The following HOMER1 variants were observed in gnomAD, a reference collection of about 807,000 sequenced individuals.
The protein encoded by HOMER1 is homer scaffold protein 1.
HOMER1 carries 3 observed loss-of-function variants against 48.9 expected under a neutral mutation model. The ratio of observed to expected loss-of-function variants is 0.06; its 90% CI spans 0.03 to 0.16. HOMER1 has a LOEUF of 0.16. Among genes scored for constraint, HOMER1 ranks in the 10% least tolerant of loss-of-function variants. The pLI is 1.00. For synonymous variants in HOMER1, 134 were observed against 146.4 expected, an observed-to-expected ratio of 0.92 and a Z score of 0.61; for missense variants, 247 against 411.4, an observed-to-expected ratio of 0.60 and a Z score of 3.46.
At chr5:79,479,843 AAT>A (rs1751897145) in intron 1 of HOMER1, among the ~76,000 whole-genome samples, 1 of 152,348 alleles carries the variant, frequency 6.6e-6, no homozygotes, top group South Asian at 2.1e-4. Flanking sequence ...AAGAATGTTT[AAT>A]AGTGATAGAA....
At chr5:79,401,858 T>G in intron 6 of HOMER1, 41 bp downstream of exon 6, 3 of 1,593,520 alleles carry the variant, frequency 1.9e-6, no homozygotes, top group African/African-American at 1.3e-5. Flanking sequence ...CAAGAAAACC[T>G]GTTAGCCCTA....
At chr5:79,381,628 T>C (rs1748979386) in intron 8 of HOMER1, among the ~76,000 whole-genome samples, 1 of 152,198 alleles carries the variant, frequency 6.6e-6, no homozygotes, top group African/African-American at 2.4e-5. Context: ...CTCACGCCTG[T>C]AATCCCAGAA....
chr5:79,444,695 A>C (rs1376403807), intron 4 of HOMER1, among the ~76,000 whole-genome samples: 2 of 152,218 alleles, frequency 1.3e-5, no homozygotes, highest in Non-Finnish European at 2.9e-5. Context: ...GGCAAAGCTT[A>C]ATCCATCACA....
At chr5:79,500,128 A>T (rs1264878629) in intron 1 of HOMER1, among the ~76,000 whole-genome samples, 2 of 152,198 alleles carry the variant, frequency 1.3e-5, no homozygotes, top group Admixed American at 1.3e-4. Context: ...AAAATTTGTG[A>T]AACTATCTCT....
chr5:79,382,509 G>A (rs913855845), intron 8 of HOMER1, among the ~76,000 whole-genome samples: 3 of 152,100 alleles, frequency 2.0e-5, no homozygotes, highest in Non-Finnish European at 4.4e-5. Context: ...TCATAGTGTT[G>A]AAAGGAAAAA....
intron 1 of HOMER1, among the ~76,000 whole-genome samples, chr5:79,499,221 A>T (rs1157531624): frequency 6.6e-6 from 1 of 152,122 alleles, no homozygotes; most frequent in African/African-American, 2.4e-5. Context: ...AGAAAACTAG[A>T]GCCTGCCTAT....
intron 5 of HOMER1, among the ~76,000 whole-genome samples, chr5:79,417,489 A>T (rs78894879): frequency 0.03 from 4,557 of 152,290 alleles, 208 homozygotes; most frequent in African/African-American, 0.1. Context: ...CTTTCTTTGG[A>T]AATTTATTCA....
At position 79,397,545 on chromosome 5, in the gene HOMER1, T is replaced by C; in HGVS notation, c.777A>G (p.Thr259=). 6.3e-7 allele frequency: 1 copy of C among 1,597,656 alleles called. No homozygotes were observed. The highest frequency in any genetic ancestry group is 1.3e-5 in the African/African-American group (1 of 74,540). Residue 259 remains threonine, a synonymous_variant, in exon 7 of 9, where the codon ACA becomes ACG. Coordinates refer to ENST00000334082, the MANE Select transcript of HOMER1 (RefSeq NM_004272.5). Reference sequence around the variant, plus strand: ...CAAATACCTCTTCCTTCAGTTTCAGTGTCTCTTCCAGTTCTTGTATTGTCT... The same window carrying C: ...CAAATACCTCTTCCTTCAGTTTCAGCGTCTCTTCCAGTTCTTGTATTGTCT... ...LNQTIQELEE[T]LKLKEEEIER...
intron 8 of HOMER1, among the ~76,000 whole-genome samples, chr5:79,379,134 T>G (rs1748871654): frequency 9.1e-6 from 1 of 110,250 alleles, no homozygotes; most frequent in South Asian, 2.7e-4. Context: ...AATATTTATT[T>G]ATATATAAAA....
chr5:79,399,063 T>C (rs567265478), intron 6 of HOMER1, among the ~76,000 whole-genome samples: 1 of 152,234 alleles, frequency 6.6e-6, no homozygotes, highest in Non-Finnish European at 1.5e-5. Context: ...CATTATATAA[T>C]AAATTCCTTA....
chr5:79,438,044 A>T (rs1029030188), intron 5 of HOMER1, among the ~76,000 whole-genome samples: 3 of 152,214 alleles, frequency 2.0e-5, no homozygotes, highest in Non-Finnish European at 2.9e-5. Flanking sequence ...AGCCTCTACT[A>T]AGGGCATTTA....
intron 1 of HOMER1, among the ~76,000 whole-genome samples, chr5:79,481,843 A>T (rs936481151): frequency 2.0e-5 from 3 of 152,246 alleles, no homozygotes; most frequent in Non-Finnish European, 2.9e-5. Flanking sequence ...CCCACACAAC[A>T]CAGCTTAAAA....
In HOMER1 at chr5:79,513,362, C is replaced by CT. The variant is rs1477044762; in HGVS notation, c.-589dup. On this transcript the variant is annotated 5_prime_UTR_variant, in exon 1 of 9. An upstream open reading frame in the 5' UTR loses its in-frame stop. Coordinates refer to ENST00000334082, the MANE Select transcript of HOMER1 (RefSeq NM_004272.5). ...AAGTGCAAACCCGGCAGCTCGCAAC[C>CT]TGCACGGCACTCCACATTGGAATCT... 6.5e-6 allele frequency: 1 copy of CT among 154,786 alleles called. No homozygotes were observed. Among genetic ancestry groups the CT allele is most frequent in the Non-Finnish European group, 1.4e-5 (1 of 69,858 alleles). The allele number at this position is 154,786 out of a possible 1,614,324, so 9.6% of individuals were successfully genotyped here. A position where few individuals can be genotyped will look rare whatever the true frequency, so the allele number is the denominator to read the frequency against.
intron 1 of HOMER1, among the ~76,000 whole-genome samples, chr5:79,459,305 C>T (rs746346515): frequency 4.9e-4 from 74 of 152,126 alleles, no homozygotes; most frequent in African/African-American, 1.7e-3. Flanking sequence ...GTTTTCAGTA[C>T]GGTAAAGACT....
intron 2 of HOMER1, among the ~76,000 whole-genome samples, chr5:79,454,932 T>C (rs1751127972): frequency 6.6e-6 from 1 of 152,184 alleles, no homozygotes; most frequent in African/African-American, 2.4e-5. Context: ...TAGGTATTTT[T>C]ATTCATTCCT....
At chr5:79,413,628 G>A (rs796244256) in intron 5 of HOMER1, among the ~76,000 whole-genome samples, 17 of 149,260 alleles carry the variant, frequency 1.1e-4, no homozygotes, top group African/African-American at 4.2e-4. Context: ...CCTCTTTTCA[G>A]CTTCTTCTTT....
chr5:79,448,897 C>T (rs1250611590), intron 3 of HOMER1, among the ~76,000 whole-genome samples: 1 of 151,758 alleles, frequency 6.6e-6, no homozygotes, highest in Non-Finnish European at 1.5e-5. Flanking sequence ...TCCCAATATT[C>T]AACCTACCCT....
intron 1 of HOMER1, among the ~76,000 whole-genome samples, chr5:79,461,340 A>T (rs1310622196): frequency 6.6e-6 from 1 of 152,190 alleles, no homozygotes; most frequent in African/African-American, 2.4e-5. Flanking sequence ...TCTTTTCATA[A>T]ACTGTATAAA....
At chr5:79,378,739 T>C (rs1056021963) in intron 8 of HOMER1, among the ~76,000 whole-genome samples, 1 of 152,038 alleles carries the variant, frequency 6.6e-6, no homozygotes, top group African/African-American at 2.4e-5. Context: ...CAGTTTGCCC[T>C]CTAAAGCCCT....
Sources: allele counts gnomAD v4.1 joint callset (sites outside exome capture counted in the v4.1 genomes callset), GRCh38; gene constraint gnomAD v4.1.1; transcripts MANE v1.5; gene names NCBI Gene and HGNC (gene_info 2026-07-23, HGNC 2026-07-21).